Variants in SLC24A3 observed in about 807,000 individuals in gnomAD.
The protein encoded by SLC24A3 is sodium/potassium/calcium exchanger 3.
Under a neutral mutation model 75.8 loss-of-function variants are expected in SLC24A3, and 28 were observed. The ratio of observed to expected loss-of-function variants is 0.37; its 90% CI spans 0.27 to 0.51. The LOEUF is 0.51. Among genes scored for constraint, SLC24A3 ranks in the 20% least tolerant of loss-of-function variants. The pLI is 0.94. For missense variants in SLC24A3, 663 were observed against 847.8 expected, an observed-to-expected ratio of 0.78 and a Z score of 2.71; for synonymous variants, 372 against 334.1, an observed-to-expected ratio of 1.11 and a Z score of -1.24.
intron 15 of SLC24A3, among the ~76,000 whole-genome samples, chr20:19,708,984 A>C (rs2032960072): frequency 6.6e-6 from 1 of 152,166 alleles, no homozygotes. Context: ...TAAGAGGAGG[A>C]TCCAGGGTGA....
chr20:19,643,207 CA>C (rs1465545292), intron 6 of SLC24A3, among the ~76,000 whole-genome samples: 2 of 152,132 alleles, frequency 1.3e-5, no homozygotes, highest in Non-Finnish European at 2.9e-5. Context: ...GAGTGCACAC[CA>C]AATATGCAGA....
intron 15 of SLC24A3, among the ~76,000 whole-genome samples, chr20:19,714,554 G>A (rs2033024607): frequency 6.6e-6 from 1 of 152,156 alleles, no homozygotes; most frequent in African/African-American, 2.4e-5. Context: ...CATCCTGGTG[G>A]AAGTACAAGG....
intron 6 of SLC24A3, among the ~76,000 whole-genome samples, chr20:19,602,810 C>A (rs1462439945): frequency 6.6e-6 from 1 of 152,186 alleles, no homozygotes; most frequent in African/African-American, 2.4e-5. Context: ...GTCCCTGACT[C>A]TCTCTCTGCG....
At chr20:19,354,032 G>T (rs1296328368) in intron 2 of SLC24A3, among the ~76,000 whole-genome samples, 1 of 152,026 alleles carries the variant, frequency 6.6e-6, no homozygotes, top group Non-Finnish European at 1.5e-5. Flanking sequence ...TATTCTAATA[G>T]CTCCAAACTA....
Position 19,721,445 on chromosome 20 carries a change from G to C in SLC24A3, c.*305G>C, listed in dbSNP as rs888056400. 6.3e-6 allele frequency: 2 copies of C among 317,276 alleles called. No homozygotes were observed. The highest frequency in any genetic ancestry group is 4.7e-5 in the Admixed American group (1 of 21,490). 19.7% of individuals were successfully genotyped at this position (317,276 alleles called of 1,614,324 possible). Reference sequence around the variant, plus strand: ...TTCTAGAAAAACTGGCTGCTAACTGGCCTGAGCCAGGCAACACTGATTCCA... The same window carrying C: ...TTCTAGAAAAACTGGCTGCTAACTGCCCTGAGCCAGGCAACACTGATTCCA... On this transcript the variant is annotated 3_prime_UTR_variant, in exon 17 of 17. Coordinates refer to ENST00000328041, the MANE Select transcript of SLC24A3 (RefSeq NM_020689.4).
chr20:19,486,432 T>C (rs1406026570), intron 2 of SLC24A3, among the ~76,000 whole-genome samples: 1 of 152,170 alleles, frequency 6.6e-6, no homozygotes, highest in Non-Finnish European at 1.5e-5. Context: ...TGAATTTTAT[T>C]GAATGTATGT....
intron 2 of SLC24A3, among the ~76,000 whole-genome samples, chr20:19,286,380 G>A (rs1049297044): frequency 6.6e-6 from 1 of 152,086 alleles, no homozygotes; most frequent in Non-Finnish European, 1.5e-5. Context: ...AGACCAGCAA[G>A]CAGAAAACAT....
intron 2 of SLC24A3, among the ~76,000 whole-genome samples, chr20:19,499,160 A>G (rs1209316142): frequency 6.6e-6 from 1 of 152,250 alleles, no homozygotes; most frequent in African/African-American, 2.4e-5. Context: ...GTCAACGCCT[A>G]AAAATGTGAG....
At chr20:19,213,073 C>A in intron 1 of SLC24A3, 89 bp downstream of exon 1, 1 of 1,130,110 alleles carries the variant, frequency 8.8e-7, no homozygotes, top group Non-Finnish European at 1.1e-6. Context: ...TTCGGGCGGC[C>A]CGGCCGGAGC....
At chr20:19,268,251 AGTGCACTCG>A (rs1983224186) in intron 1 of SLC24A3, among the ~76,000 whole-genome samples, 1 of 152,196 alleles carries the variant, frequency 6.6e-6, no homozygotes, top group African/African-American at 2.4e-5. Flanking sequence ...TATGCTGACA[AGTGCACTCG>A]GTGCAGGTGC....
At chr20:19,447,010 A>G (rs975529748) in intron 2 of SLC24A3, among the ~76,000 whole-genome samples, 3 of 152,190 alleles carry the variant, frequency 2.0e-5, no homozygotes, top group Non-Finnish European at 4.4e-5. Flanking sequence ...CATCCACTTT[A>G]TGGATCCCAC....
chr20:19,354,645 C>A (rs1985644201), intron 2 of SLC24A3, among the ~76,000 whole-genome samples: 1 of 150,698 alleles, frequency 6.6e-6, no homozygotes, highest in Admixed American at 6.6e-5. Flanking sequence ...ACCCAGTAAG[C>A]TCATAGAATG....
At chr20:19,558,505 C>G (rs1391312215) in intron 3 of SLC24A3, among the ~76,000 whole-genome samples, 3 of 152,156 alleles carry the variant, frequency 2.0e-5, no homozygotes, top group Non-Finnish European at 1.5e-5. Flanking sequence ...TTTGTCTGGT[C>G]CAACCCAAGA....
chr20:19,658,579 G>A (rs1211696673), intron 7 of SLC24A3, among the ~76,000 whole-genome samples: 2 of 152,178 alleles, frequency 1.3e-5, no homozygotes, highest in African/African-American at 4.8e-5. Flanking sequence ...CATAAAGTGT[G>A]TGCTTCTCGG....
At chr20:19,355,842 C>G (rs1985671321) in intron 2 of SLC24A3, among the ~76,000 whole-genome samples, 1 of 152,152 alleles carries the variant, frequency 6.6e-6, no homozygotes, top group Admixed American at 6.5e-5. Flanking sequence ...TGTAAAATAC[C>G]TGACTGCCGT....
rs145774527 is a variant in SLC24A3, at chr20:19,713,630, GTCTGTAA to G, written c.1720-3894_1720-3888del. Among the ~76,000 whole-genome samples the G allele has an allele frequency of 8.2e-3, 1,254 of 152,266 alleles. 24 individuals carry two copies. Among genetic ancestry groups the G allele is most frequent in the Non-Finnish European group, 8.9e-3 (606 of 68,024 alleles). On this transcript the variant is annotated intron_variant, in intron 15 of 16. Transcript: ENST00000328041. The stretch of plus-strand genomic sequence containing the variant: ...CAGACGTGGTTCCTACCCTTGCGGT[GTCTGTAA>G]TCTAGTAAGCTATTGTTCAGTGATA...
chr20:19,358,148 G>C (rs897000789), intron 2 of SLC24A3, among the ~76,000 whole-genome samples: 5 of 152,180 alleles, frequency 3.3e-5, no homozygotes, highest in African/African-American at 9.7e-5. Context: ...TTCCAGTCAT[G>C]ACAGTTTTGT....
At chr20:19,418,440 A>G (rs1043772713) in intron 2 of SLC24A3, among the ~76,000 whole-genome samples, 6 of 152,122 alleles carry the variant, frequency 3.9e-5, no homozygotes, top group African/African-American at 7.2e-5. Flanking sequence ...TAAAACTACA[A>G]TGGATGGAAT....
chr20:19,376,336 CAG>C (rs1986083505), intron 2 of SLC24A3, among the ~76,000 whole-genome samples: 1 of 152,188 alleles, frequency 6.6e-6, no homozygotes, highest in Non-Finnish European at 1.5e-5. Flanking sequence ...GGAGGGCTAT[CAG>C]TGTTCAAGAT....
Sources: allele counts gnomAD v4.1 joint callset (sites outside exome capture counted in the v4.1 genomes callset), GRCh38; gene constraint gnomAD v4.1.1; transcripts MANE v1.5; gene names NCBI Gene and HGNC (gene_info 2026-07-23, HGNC 2026-07-21).